The following SORCS2 variants were observed in gnomAD, a reference collection of about 807,000 sequenced individuals.
SORCS2 encodes the protein VPS10 domain-containing receptor SorCS2.
In SORCS2, 100 loss-of-function variants were observed where a neutral mutation model predicts 141.6. The observed-to-expected ratio is 0.71, with a 90% CI of 0.60 to 0.83. The LOEUF (loss-of-function observed/expected upper bound fraction) is 0.83, where lower values mean the gene tolerates loss of function less well. Among genes scored for constraint, SORCS2 ranks in the 40% least tolerant of loss-of-function variants. The pLI is 0.00. For missense variants in SORCS2, 1,646 were observed against 1,560.2 expected (o/e 1.05, Z -0.93); for synonymous variants, 789 against 676.9 (o/e 1.17, Z -2.57).
rs1328876107 is a variant in SORCS2 at position 7,733,356 on chromosome 4, A to G, written c.3143A>G (p.Gln1048Arg). ...GCCATCCAGCAGGTGCTGAACGCAC[A>G]GAAGATCAGCTTCCTCCTGCGAGGC... is the stretch of plus-strand genomic sequence containing the variant. ...LAAIQQVLNAQKISFLLRGGV... is the reference protein window; with the variant it reads ...LAAIQQVLNARKISFLLRGGV... The change falls in exon 24 of 27, where the codon CAG (glutamine) becomes CGG (arginine). Residue 1048 changes from glutamine (Q) to arginine (R), a missense_variant. Transcript: ENST00000507866. 2 of 1,577,762 alleles carry G rather than the reference A, an allele frequency of 1.3e-6. No homozygotes were observed. The highest frequency in any genetic ancestry group is 1.7e-6 in the Non-Finnish European group (2 of 1,162,976).
intron 1 of SORCS2, among the ~76,000 whole-genome samples, chr4:7,342,366 C>T (rs1365199131): frequency 2.0e-5 from 3 of 152,250 alleles, no homozygotes; most frequent in Non-Finnish European, 2.9e-5. Flanking sequence ...TTGCTGCTGC[C>T]GCCATCTTGC....
chr4:7,596,441 C>G (rs1202857362), intron 3 of SORCS2, among the ~76,000 whole-genome samples: 2 of 152,072 alleles, frequency 1.3e-5, no homozygotes, highest in African/African-American at 2.4e-5. Context: ...CCTTCAGGTG[C>G]CAAGACTCCA....
At chr4:7,244,132 G>A (rs768238292) in intron 1 of SORCS2, among the ~76,000 whole-genome samples, 6 of 152,194 alleles carry the variant, frequency 3.9e-5, no homozygotes, top group Non-Finnish European at 7.3e-5. Flanking sequence ...ACATAGGAAG[G>A]GGCGGCTCCC....
At chr4:7,372,533 C>T (rs2109047019) in intron 1 of SORCS2, among the ~76,000 whole-genome samples, 1 of 152,332 alleles carries the variant, frequency 6.6e-6, no homozygotes, top group Non-Finnish European at 1.5e-5. Context: ...ATCTTGAACT[C>T]CTGACCTCGG....
intron 3 of SORCS2, among the ~76,000 whole-genome samples, chr4:7,602,261 C>G (rs931389188): frequency 6.6e-6 from 1 of 151,116 alleles, no homozygotes; most frequent in African/African-American, 2.4e-5. Flanking sequence ...GAGGCGCCCC[C>G]CACCTCCCTC....
chr4:7,478,322 C>T (rs1290297677), intron 2 of SORCS2, among the ~76,000 whole-genome samples: 6 of 152,212 alleles, frequency 3.9e-5, no homozygotes, highest in East Asian at 1.9e-4. Flanking sequence ...CCATGGTCTG[C>T]GTCACCAGCT....
At chr4:7,333,974 C>T (rs932713940) in intron 1 of SORCS2, among the ~76,000 whole-genome samples, 1 of 152,132 alleles carries the variant, frequency 6.6e-6, no homozygotes, top group African/African-American at 2.4e-5. Context: ...AGCCTCCATA[C>T]TCAGCTGGGG....
intron 21 of SORCS2, among the ~76,000 whole-genome samples, chr4:7,727,483 A>G (rs138002090): frequency 1.5e-3 from 225 of 152,016 alleles, no homozygotes; most frequent in African/African-American, 4.8e-3. Flanking sequence ...TCACAGCAAT[A>G]AACCCTCATT....
At position 7,395,177 on chromosome 4, in the gene SORCS2, C is replaced by A. The variant is rs150309246; in HGVS notation, c.481-1111C>A. Reference sequence around the variant, plus strand: ...CCCATCTCGGGCAACAGCCCCTCCTCATGTCCTCCCTGCTCAAATCACCAG... The same window carrying A: ...CCCATCTCGGGCAACAGCCCCTCCTAATGTCCTCCCTGCTCAAATCACCAG... On this transcript the variant is annotated intron_variant, in intron 1 of 26. Transcript: ENST00000507866. Among the ~76,000 whole-genome samples the A allele has an allele frequency of 5.0e-4, 70 of 140,464 alleles. 1 individual carries two copies. Among genetic ancestry groups the A allele is most frequent in the Admixed American group, 4.3e-3 (61 of 14,294 alleles). The allele number at this position is 140,464 out of a possible 152,430, so 92.1% of individuals were successfully genotyped here. A position where few individuals can be genotyped will look rare whatever the true frequency, so the allele number is the denominator to read the frequency against.
intron 11 of SORCS2, among the ~76,000 whole-genome samples, chr4:7,695,572 A>ATTGGTGGGTGGG (rs1724583517): frequency 5.6e-5 from 1 of 17,972 alleles, no homozygotes; most frequent in Non-Finnish European, 1.0e-4. Context: ...GCATGGATGG[A>ATTGGTGGGTGGG]TGGATGGATG....
intron 1 of SORCS2, among the ~76,000 whole-genome samples, chr4:7,380,849 G>A (rs111780631): frequency 0.015 from 2,214 of 152,312 alleles, 37 homozygotes; most frequent in Non-Finnish European, 0.024. Context: ...ACTTTGGGAG[G>A]CCAAGGCGGG....
intron 1 of SORCS2, among the ~76,000 whole-genome samples, chr4:7,289,915 C>A (rs1716497213): frequency 6.6e-6 from 1 of 152,210 alleles, no homozygotes; most frequent in Non-Finnish European, 1.5e-5. Flanking sequence ...TTGTCACCTG[C>A]AGCACCCTGA....
intron 1 of SORCS2, among the ~76,000 whole-genome samples, chr4:7,285,317 G>C (rs1257450100): frequency 6.6e-6 from 1 of 152,208 alleles, no homozygotes; most frequent in East Asian, 1.9e-4. Flanking sequence ...ACAGGTGTGA[G>C]CCACCACGCC....
At chr4:7,562,770 G>A (rs1000791767) in intron 3 of SORCS2, among the ~76,000 whole-genome samples, 7 of 152,120 alleles carry the variant, frequency 4.6e-5, no homozygotes, top group African/African-American at 1.7e-4. Context: ...GCCTCTGATG[G>A]TTACTGGCAG....
chr4:7,314,814 T>TG (rs2108929832), intron 1 of SORCS2, among the ~76,000 whole-genome samples: 2 of 80,544 alleles, frequency 2.5e-5, no homozygotes, highest in East Asian at 5.8e-4. Flanking sequence ...TTTTTTTTTT[T>TG]TTTTTTTTTT....
intron 13 of SORCS2, 134 bp from the exon 14 acceptor site, chr4:7,704,043 G>A: frequency 1.4e-6 from 1 of 715,612 alleles, no homozygotes; most frequent in Non-Finnish European, 2.5e-6. Flanking sequence ...GACATAAGCA[G>A]ATGTGGTATC....
chr4:7,250,459 G>A (rs1390542009), intron 1 of SORCS2, among the ~76,000 whole-genome samples: 1 of 152,226 alleles, frequency 6.6e-6, no homozygotes, highest in Non-Finnish European at 1.5e-5. Flanking sequence ...ACATTTCGTT[G>A]TGAGTATTAA....
chr4:7,651,560 G>A (rs752198439), intron 4 of SORCS2, among the ~76,000 whole-genome samples: 24 of 152,322 alleles, frequency 1.6e-4, no homozygotes, highest in South Asian at 8.3e-4. Flanking sequence ...GGATGGCACC[G>A]TGCCCAAGAG....
rs12509603 is a variant in SORCS2 at position 7,592,005 on chromosome 4, T to A, written c.649-46323T>A. On this transcript the variant is annotated intron_variant, in intron 3 of 26. Transcript: ENST00000507866. ...CAGGTTGCAGATGAGAAAAAAAAAA[T>A]CCCCCTTTAAATTGGCAGAGCAGCT... is the stretch of plus-strand genomic sequence containing the variant. Among the ~76,000 whole-genome samples, 708 of 151,546 alleles carry A rather than the reference T, an allele frequency of 4.7e-3. 2 individuals carry two copies. The highest frequency in any genetic ancestry group is 6.0e-3 in the Admixed American group (92 of 15,250).
Sources: gnomAD v4.1 joint callset for allele counts (sites outside exome capture counted in the v4.1 genomes callset) on GRCh38, gnomAD v4.1.1 for gene constraint, MANE v1.5 for transcripts, NCBI Gene and HGNC (gene_info 2026-07-23, HGNC 2026-07-21) for gene names.